Variants in DOCK3 observed in about 807,000 individuals in gnomAD.
DOCK3 encodes dedicator of cytokinesis protein 3.
A neutral mutation model predicts 265.6 loss-of-function variants in DOCK3; 60 were observed. The ratio of observed to expected loss-of-function variants is 0.23; its 90% CI spans 0.18 to 0.28. The LOEUF (loss-of-function observed/expected upper bound fraction) is 0.28, where lower values mean the gene tolerates loss of function less well. Ranked by LOEUF, DOCK3 falls within the 10% of genes least tolerant of loss-of-function variation. DOCK3 has a pLI of 1.00. For synonymous variants in DOCK3, 881 were observed against 938.0 expected (o/e 0.94, Z 1.11); for missense variants, 1,981 against 2,594.3 (o/e 0.76, Z 5.14).
chr3:51,316,238 C>A (rs2083355997), intron 32 of DOCK3, among the ~76,000 whole-genome samples: 1 of 152,192 alleles, frequency 6.6e-6, no homozygotes, highest in Non-Finnish European at 1.5e-5. Context: ...TAAATGGAAT[C>A]AAGCAAAGTG....
At chr3:50,946,797 CTCTT>C (rs1348528234) in intron 5 of DOCK3, among the ~76,000 whole-genome samples, 1 of 152,192 alleles carries the variant, frequency 6.6e-6, no homozygotes, top group Non-Finnish European at 1.5e-5. Context: ...TCATCCTTCT[CTCTT>C]TTTAGTTTTG....
chr3:51,100,700 A>T (rs1030398556), intron 9 of DOCK3, among the ~76,000 whole-genome samples: 1 of 152,256 alleles, frequency 6.6e-6, no homozygotes, highest in East Asian at 1.9e-4. Context: ...CAGATTCTCT[A>T]CAATGTAACA....
chr3:51,176,885 CTT>C (rs2086991133), intron 12 of DOCK3, among the ~76,000 whole-genome samples: 1 of 152,132 alleles, frequency 6.6e-6, no homozygotes, highest in African/African-American at 2.4e-5. Context: ...AATGGTTTGT[CTT>C]TTTTTCCTAG....
chr3:50,906,773 T>A (rs945819230), intron 4 of DOCK3, among the ~76,000 whole-genome samples: 4 of 152,118 alleles, frequency 2.6e-5, no homozygotes, highest in African/African-American at 9.7e-5. Flanking sequence ...TGCTCTGATC[T>A]TAGTTATTTC....
intron 10 of DOCK3, among the ~76,000 whole-genome samples, chr3:51,153,090 A>G (rs2085686486): frequency 2.6e-5 from 4 of 152,236 alleles, no homozygotes; most frequent in African/African-American, 4.8e-5. Context: ...TTGTTCAGCT[A>G]TGCCCTGCCC....
chr3:51,316,770 G>C (rs1655270405), intron 32 of DOCK3, among the ~76,000 whole-genome samples: 1 of 152,114 alleles, frequency 6.6e-6, no homozygotes, highest in Non-Finnish European at 1.5e-5. Context: ...TTGGTAAAAT[G>C]AGTTCAAAGC....
At chr3:51,106,516 C>A (rs1196881167) in intron 9 of DOCK3, among the ~76,000 whole-genome samples, 3 of 152,198 alleles carry the variant, frequency 2.0e-5, no homozygotes, top group Non-Finnish European at 4.4e-5. Flanking sequence ...ACATGAGTGT[C>A]CTTGCCCTTG....
At chr3:51,118,030 GTTGTT>G (rs989735222) in intron 9 of DOCK3, among the ~76,000 whole-genome samples, 29 of 152,134 alleles carry the variant, frequency 1.9e-4, no homozygotes, top group Non-Finnish European at 3.4e-4. Context: ...TGCTTCACTA[GTTGTT>G]TCAATTGTGA....
chr3:51,221,361 A>G (rs2090090305), intron 14 of DOCK3, among the ~76,000 whole-genome samples: 1 of 152,196 alleles, frequency 6.6e-6, no homozygotes, highest in South Asian at 2.1e-4. Flanking sequence ...AGGTATCAGT[A>G]AACTATAGCC....
intron 35 of DOCK3, among the ~76,000 whole-genome samples, chr3:51,337,579 T>G (rs2084955530): frequency 6.6e-6 from 1 of 152,220 alleles, no homozygotes; most frequent in Non-Finnish European, 1.5e-5. Flanking sequence ...CAGATGGCAC[T>G]CTGGCTGGCA....
chr3:50,906,925 G>A (rs1034498167), intron 4 of DOCK3, among the ~76,000 whole-genome samples: 4 of 151,978 alleles, frequency 2.6e-5, no homozygotes, highest in Non-Finnish European at 4.4e-5. Flanking sequence ...ACACTGCTTT[G>A]AATGTGTCCC....
At chr3:50,983,238 G>A (rs1299963521) in intron 5 of DOCK3, among the ~76,000 whole-genome samples, 4 of 152,130 alleles carry the variant, frequency 2.6e-5, no homozygotes, top group Non-Finnish European at 4.4e-5. Flanking sequence ...GCCCCTTGGA[G>A]CAAGCAGTCT....
At chr3:51,037,170 G>C (rs1323408256) in intron 5 of DOCK3, among the ~76,000 whole-genome samples, 2 of 151,568 alleles carry the variant, frequency 1.3e-5, no homozygotes, top group African/African-American at 2.4e-5. Context: ...AATAATATAG[G>C]TACAGTTTAA....
chr3:50,907,570 T>C (rs2049593255), intron 4 of DOCK3, among the ~76,000 whole-genome samples: 2 of 152,092 alleles, frequency 1.3e-5, no homozygotes. Context: ...AGACTAGGAT[T>C]GCAACCCCTG....
chr3:50,737,641 T>C (rs2038727561), intron 1 of DOCK3, among the ~76,000 whole-genome samples: 1 of 152,242 alleles, frequency 6.6e-6, no homozygotes, highest in Non-Finnish European at 1.5e-5. Context: ...GTCCTCTTAC[T>C]GGGTAATTTC....
intron 5 of DOCK3, among the ~76,000 whole-genome samples, chr3:50,949,542 A>G: frequency 6.6e-6 from 1 of 152,084 alleles, no homozygotes; most frequent in Non-Finnish European, 1.5e-5. Flanking sequence ...TGCTTTTGTA[A>G]TCAGTTTTAA....
At chr3:50,707,007 T>A (rs1229163234) in intron 1 of DOCK3, among the ~76,000 whole-genome samples, 2 of 152,096 alleles carry the variant, frequency 1.3e-5, no homozygotes, top group African/African-American at 4.8e-5. Flanking sequence ...TTGTGAGATC[T>A]GGTTGTTTAA....
chr3:50,887,137 G>T (rs1411521584), intron 3 of DOCK3, among the ~76,000 whole-genome samples: 1 of 151,966 alleles, frequency 6.6e-6, no homozygotes, highest in Non-Finnish European at 1.5e-5. Flanking sequence ...AAGAAGAAAA[G>T]AGAGAAGAAT....
intron 5 of DOCK3, among the ~76,000 whole-genome samples, chr3:50,969,992 A>T (rs531768719): frequency 3.8e-4 from 58 of 152,092 alleles, no homozygotes; most frequent in Non-Finnish European, 8.1e-4. Context: ...GAATGGTGTA[A>T]ACCCGGGAGG....
Sources: allele counts gnomAD v4.1 joint callset (sites outside exome capture counted in the v4.1 genomes callset), GRCh38; gene constraint gnomAD v4.1.1; transcripts MANE v1.5; gene names NCBI Gene and HGNC (gene_info 2026-07-23, HGNC 2026-07-21).